CLMN: variants seen among roughly 807,000 people sequenced by gnomAD.
CLMN encodes calmin (calponin-like, transmembrane).
A neutral mutation model predicts 92.7 loss-of-function variants in CLMN; 57 were observed. The ratio of observed to expected loss-of-function variants is 0.61; its 90% CI spans 0.50 to 0.77. The LOEUF is 0.77. Ranked by LOEUF, CLMN falls within the 30% of genes least tolerant of loss-of-function variation. CLMN has a pLI of 0.00. For missense variants in CLMN, 1,158 were observed against 1,237.5 expected, an observed-to-expected ratio of 0.94 and a Z score of 0.96; for synonymous variants, 466 against 470.6, an observed-to-expected ratio of 0.99 and a Z score of 0.13.
At chr14:95,245,236 T>C (rs1206049726) in intron 1 of CLMN, among the ~76,000 whole-genome samples, 7 of 31,814 alleles carry the variant, frequency 2.2e-4, no homozygotes, top group African/African-American at 1.3e-3. Flanking sequence ...TATATATATA[T>C]ATTATATATA....
chr14:95,202,909 C>T lies in CLMN; in HGVS notation c.2440G>A (p.Ala814Thr), dbSNP rs748564835. ...GVGTTPASEPAPLAPHEDHQQ... is the reference protein window; with the variant it reads ...GVGTTPASEPTPLAPHEDHQQ... ...TGGTCCTCATGGGGGGCCAGTGGAG[C>T]GGGTTCTGAGGCTGGTGTGGTACCC... is the stretch of plus-strand genomic sequence containing the variant. The change falls in exon 9 of 13, where the codon GCT becomes ACT. Residue 814 changes from alanine to threonine, a missense_variant. Transcript: ENST00000298912. 175 of 1,589,522 alleles carry T rather than the reference C, an allele frequency of 1.1e-4. 1 individual carries two copies. In the South Asian group the frequency reaches 1.6e-3, roughly 14 times the overall value.
chr14:95,245,225 T>TATATATAATA (rs1491192837), intron 1 of CLMN, among the ~76,000 whole-genome samples: 2 of 24,358 alleles, frequency 8.2e-5, no homozygotes, highest in African/African-American at 5.4e-4. Context: ...TATATATATA[T>TATATATAATA]TATATATATA....
At chr14:95,234,898 C>CT (rs1898001983) in intron 1 of CLMN, among the ~76,000 whole-genome samples, 1 of 152,196 alleles carries the variant, frequency 6.6e-6, no homozygotes, top group Non-Finnish European at 1.5e-5. Context: ...ACAGTTGTGG[C>CT]TTTTTGTCTC....
intron 1 of CLMN, among the ~76,000 whole-genome samples, chr14:95,293,207 T>TC (rs1264107714): frequency 6.8e-5 from 5 of 73,228 alleles, no homozygotes. Flanking sequence ...CCCCCTTCCT[T>TC]CCCTCCCTCC....
At chr14:95,234,367 G>A (rs996100377) in intron 1 of CLMN, among the ~76,000 whole-genome samples, 17 of 152,158 alleles carry the variant, frequency 1.1e-4, no homozygotes, top group African/African-American at 3.9e-4. Flanking sequence ...TCTCCGCTTT[G>A]AGACGCCCAC....
At chr14:95,214,351 T>C (rs937082556) in intron 5 of CLMN, among the ~76,000 whole-genome samples, 42 of 147,448 alleles carry the variant, frequency 2.8e-4, no homozygotes, top group Non-Finnish European at 3.7e-4. Context: ...CTGCTTTTTT[T>C]TTTTTTTTTT....
At chr14:95,228,449 C>T (rs1221230877) in intron 2 of CLMN, among the ~76,000 whole-genome samples, 2 of 152,202 alleles carry the variant, frequency 1.3e-5, no homozygotes, top group Non-Finnish European at 2.9e-5. Flanking sequence ...AGTGGTGGCA[C>T]TGCGTCACAT....
intron 6 of CLMN, among the ~76,000 whole-genome samples, chr14:95,212,098 A>C (rs1285655047): frequency 6.6e-6 from 1 of 152,164 alleles, no homozygotes; most frequent in Non-Finnish European, 1.5e-5. Context: ...TGATCTCTCA[A>C]TCAAAACTCT....
chr14:95,221,844 T>C, intron 3 of CLMN, 70 bp from the exon 4 acceptor site: 20 of 1,367,406 alleles, frequency 1.5e-5, no homozygotes, highest in Non-Finnish European at 2.0e-5. Flanking sequence ...CCAGCGGTGC[T>C]GCTGGGTGTG....
chr14:95,204,075 G>A lies in CLMN; in HGVS notation c.1274C>T (p.Thr425Ile). The change falls in exon 9 of 13, where the codon ACA becomes ATA. Residue 425 changes from threonine to isoleucine, a missense_variant. Thr to Ile is a moderately conservative substitution (Grantham distance 89). Transcript: ENST00000298912. ...GTAGGTGTCAGCCTCAAAGTGAACT[G>A]TTTTCTTGATCGGCAAAGAGTTGGA... ...GRSNSLPIKK[T>I]VHFEADTYKD... 4 of 1,614,190 alleles carry A rather than the reference G, an allele frequency of 2.5e-6. No individual in the cohort carries two copies. Among genetic ancestry groups the A allele is most frequent in the Non-Finnish European group, 2.5e-6 (3 of 1,180,030 alleles).
intron 1 of CLMN, among the ~76,000 whole-genome samples, chr14:95,252,972 A>G (rs1898849592): frequency 1.3e-5 from 2 of 152,196 alleles, no homozygotes; most frequent in Non-Finnish European, 2.9e-5. Flanking sequence ...ACTGTGAAGT[A>G]TAACAGTGTT....
intron 7 of CLMN, among the ~76,000 whole-genome samples, chr14:95,209,690 G>C (rs1301962966): frequency 6.6e-6 from 1 of 152,198 alleles, no homozygotes; most frequent in Non-Finnish European, 1.5e-5. Flanking sequence ...ATAGAATTTA[G>C]GGCTTCTTAT....
chr14:95,284,871 T>A (rs1055989559), intron 1 of CLMN, among the ~76,000 whole-genome samples: 6 of 152,162 alleles, frequency 3.9e-5, no homozygotes, highest in Non-Finnish European at 8.8e-5. Context: ...TTTGGGGGAC[T>A]GTTGGGAAGG....
chr14:95,255,494 G>A (rs1898961059), intron 1 of CLMN, among the ~76,000 whole-genome samples: 1 of 152,130 alleles, frequency 6.6e-6, no homozygotes, highest in African/African-American at 2.4e-5. Context: ...ACATATGTAT[G>A]TGCAGGAAAA....
rs951940317 is a variant in CLMN, at chr14:95,259,513, G to A, written c.83-29380C>T. The stretch of plus-strand genomic sequence containing the variant: ...CTGGAGTTTCAAGAAACATCTGGGA[G>A]GAAACGAGACAGGCTGTAGTTCCCA... On this transcript the variant is annotated intron_variant, in intron 1 of 12. Transcript: ENST00000298912. This position sits in a 1 kb window ranked among gnomAD's most constrained non-coding sequence, Gnocchi z 4.3. Among the ~76,000 whole-genome samples, 1 of 152,166 alleles carries A rather than the reference G, an allele frequency of 6.6e-6. No individual in the cohort carries two copies.
intron 4 of CLMN, among the ~76,000 whole-genome samples, chr14:95,219,414 C>T (rs554348235): frequency 8.5e-5 from 13 of 152,138 alleles, no homozygotes; most frequent in Non-Finnish European, 1.2e-4. Flanking sequence ...AACAGCCATA[C>T]GCAATGCCTG....
chr14:95,214,926 G>T (rs1470075774), intron 5 of CLMN, among the ~76,000 whole-genome samples: 1 of 152,044 alleles, frequency 6.6e-6, no homozygotes, highest in Non-Finnish European at 1.5e-5. Flanking sequence ...TCCAAAAGCG[G>T]GTGGGCTCTA....
intron 1 of CLMN, among the ~76,000 whole-genome samples, chr14:95,258,516 GGT>G (rs1462209225): frequency 6.7e-6 from 1 of 150,170 alleles, no homozygotes; most frequent in African/African-American, 2.5e-5. Context: ...GTGTATGTGT[GGT>G]GTGTGATGTG....
intron 1 of CLMN, among the ~76,000 whole-genome samples, chr14:95,250,061 C>T (rs1289024826): frequency 1.3e-5 from 2 of 152,136 alleles, no homozygotes; most frequent in Non-Finnish European, 2.9e-5. Context: ...AACAAAGGTG[C>T]GAAGCTGGAT....
Sources: gnomAD v4.1 joint callset for allele counts (sites outside exome capture counted in the v4.1 genomes callset) on GRCh38, gnomAD v4.1.1 for gene constraint, Gnocchi (gnomAD v3.1) non-coding constraint, MANE v1.5 for transcripts, NCBI Gene and HGNC (gene_info 2026-07-23, HGNC 2026-07-21) for gene names.